C10orf90: variants seen among roughly 807,000 people sequenced by gnomAD.
The protein encoded by C10orf90 is chromosome 10 open reading frame 90.
C10orf90 carries 56 observed loss-of-function variants against 62.5 expected under a neutral mutation model. That is an observed-to-expected ratio of 0.90 (90% confidence interval 0.72 to 1.12). The LOEUF (loss-of-function observed/expected upper bound fraction) is 1.12. C10orf90 is among the 50% of genes most tolerant of loss of function. C10orf90 has a pLI of 0.00. For missense variants in C10orf90, 970 were observed against 880.4 expected, an observed-to-expected ratio of 1.10 and a Z score of -1.29; for synonymous variants, 386 against 340.4, an observed-to-expected ratio of 1.13 and a Z score of -1.47.
At chr10:126,553,207 A>G (rs1233545954) in intron 2 of C10orf90, among the ~76,000 whole-genome samples, 1 of 152,228 alleles carries the variant, frequency 6.6e-6, no homozygotes, top group Non-Finnish European at 1.5e-5. Flanking sequence ...AAAAGATACC[A>G]TAAGATAATG....
chr10:126,562,486 C>T (rs535848835), intron 2 of C10orf90, among the ~76,000 whole-genome samples: 1 of 152,190 alleles, frequency 6.6e-6, no homozygotes. Context: ...GACAAGCCAG[C>T]TGGAAATCCA....
At chr10:126,635,519 C>A (rs185089470) in intron 2 of C10orf90, among the ~76,000 whole-genome samples, 211 of 152,272 alleles carry the variant, frequency 1.4e-3, no homozygotes, top group Admixed American at 2.9e-3. Context: ...GAAGCAGGGC[C>A]CGTCTCTGGG....
At chr10:126,626,353 C>G (rs1053115546) in intron 2 of C10orf90, among the ~76,000 whole-genome samples, 8 of 152,050 alleles carry the variant, frequency 5.3e-5, no homozygotes, top group Non-Finnish European at 1.2e-4. Flanking sequence ...CTATGGGGAC[C>G]ATTTGCCTCC....
intron 1 of C10orf90, among the ~76,000 whole-genome samples, chr10:126,661,323 G>C (rs7915187): frequency 0.09 from 13,655 of 152,188 alleles, 696 homozygotes; most frequent in South Asian, 0.16. Flanking sequence ...CCTTTATATA[G>C]GTTATCTCTT....
At chr10:126,642,941 C>G (rs895951621) in intron 2 of C10orf90, among the ~76,000 whole-genome samples, 1 of 152,166 alleles carries the variant, frequency 6.6e-6, no homozygotes, top group Non-Finnish European at 1.5e-5. Flanking sequence ...CCAGGAACAT[C>G]TTTAACTTTT....
intron 3 of C10orf90, among the ~76,000 whole-genome samples, chr10:126,510,045 G>T (rs1863004607): frequency 6.6e-6 from 1 of 152,116 alleles, no homozygotes; most frequent in African/African-American, 2.4e-5. Flanking sequence ...TCCTCCCTCT[G>T]TCCTCTGCTC....
intron 1 of C10orf90, among the ~76,000 whole-genome samples, chr10:126,656,071 A>G (rs1846390400): frequency 6.6e-6 from 1 of 152,112 alleles, no homozygotes; most frequent in African/African-American, 2.4e-5. Context: ...TGCTTATTGA[A>G]CACTAGCAAA....
chr10:126,459,413 G>A (rs971522051), intron 6 of C10orf90, among the ~76,000 whole-genome samples, 196 bp from the exon 7 acceptor site: 4 of 152,234 alleles, frequency 2.6e-5, no homozygotes, highest in African/African-American at 9.6e-5. Flanking sequence ...CACAGGTCCT[G>A]GGGGTCAGGC....
chr10:126,459,250 A>G lies in C10orf90; in HGVS notation c.2011-33T>C, dbSNP rs140781619. ...AAGCAAAGAAAATACGTCATTTTTA[A>G]GAGCAGTGACACAGAAAGGCAACGC... On this transcript the variant is annotated intron_variant, in intron 6 of 9. Transcript: ENST00000488181. 5.1e-3 allele frequency: 8,224 copies of G among 1,609,760 alleles called. 36 individuals are homozygous for G. Among genetic ancestry groups the G allele is most frequent in the Non-Finnish European group, 6.5e-3 (7,692 of 1,179,788 alleles).
chr10:126,625,199 C>T (rs865774345), intron 2 of C10orf90, among the ~76,000 whole-genome samples: 34 of 152,264 alleles, frequency 2.2e-4, no homozygotes, highest in African/African-American at 7.9e-4. Flanking sequence ...CCACGCTGGA[C>T]CCCCTTCAAC....
At chr10:126,426,363 T>C (rs898944210) in intron 8 of C10orf90, among the ~76,000 whole-genome samples, 3 of 152,240 alleles carry the variant, frequency 2.0e-5, no homozygotes, top group Admixed American at 2.0e-4. Context: ...GCCAGTTGCT[T>C]ATTTAGAAGT....
chr10:126,526,074 G>C (rs1355138108), intron 2 of C10orf90, among the ~76,000 whole-genome samples: 2 of 143,014 alleles, frequency 1.4e-5, no homozygotes, highest in Non-Finnish European at 3.1e-5. Flanking sequence ...AAGAAGCAGA[G>C]GCAAAGAGGG....
chr10:126,585,616 G>C (rs1844854817), intron 2 of C10orf90, among the ~76,000 whole-genome samples: 1 of 152,138 alleles, frequency 6.6e-6, no homozygotes, highest in Non-Finnish European at 1.5e-5. Context: ...ATGGAAGAAA[G>C]GGAGTGGGAA....
chr10:126,473,160 C>T (rs1003699725), intron 4 of C10orf90, among the ~76,000 whole-genome samples: 2 of 152,176 alleles, frequency 1.3e-5, no homozygotes, highest in African/African-American at 2.4e-5. Context: ...ACAACCACAG[C>T]TGCTTCAGCT....
intron 2 of C10orf90, among the ~76,000 whole-genome samples, chr10:126,617,695 G>A (rs1845569171): frequency 2.0e-5 from 3 of 152,208 alleles, no homozygotes; most frequent in South Asian, 2.1e-4. Flanking sequence ...GCTCTGAAAC[G>A]AAAGCCCATG....
rs2134015274 is a variant in C10orf90 at position 126,580,719 on chromosome 10, G to A, written c.313+65846C>T. 2.0e-5 allele frequency among the ~76,000 whole-genome samples: 3 copies of A among 151,676 alleles called. No individual in the cohort carries two copies. In the Middle Eastern group the frequency reaches 0.01, roughly 516 times the overall value. ...TCCTTCTCCACAGCACAAACAAGAAGTGTGCGTGTATGTATTGTGTTTGTG... is the reference window on the plus strand; with the variant it reads ...TCCTTCTCCACAGCACAAACAAGAAATGTGCGTGTATGTATTGTGTTTGTG... On this transcript the variant is annotated intron_variant, in intron 2 of 9. Transcript: ENST00000488181.
At chr10:126,447,577 T>C (rs966736599) in intron 7 of C10orf90, among the ~76,000 whole-genome samples, 1 of 151,948 alleles carries the variant, frequency 6.6e-6, no homozygotes, top group African/African-American at 2.4e-5. Flanking sequence ...AACAATACAA[T>C]AGTAGTGGAA....
At chr10:126,558,194 C>A (rs968088499) in intron 2 of C10orf90, among the ~76,000 whole-genome samples, 1 of 152,180 alleles carries the variant, frequency 6.6e-6, no homozygotes, top group African/African-American at 2.4e-5. Flanking sequence ...ACCATCATCT[C>A]ATACTTGTAT....
At chr10:126,463,402 C>T (rs1163920096) in intron 5 of C10orf90, 1 of 152,236 alleles carries the variant, frequency 6.6e-6, no homozygotes, top group Non-Finnish European at 1.5e-5. Context: ...GCAGTAGTTT[C>T]CTCTTGAGCA....
Sources: allele counts gnomAD v4.1 joint callset (sites outside exome capture counted in the v4.1 genomes callset), GRCh38; gene constraint gnomAD v4.1.1; transcripts MANE v1.5; gene names NCBI Gene and HGNC (gene_info 2026-07-23, HGNC 2026-07-21).